RIMBP2: variants seen among roughly 807,000 people sequenced by gnomAD.
The protein encoded by RIMBP2 is RIMS-binding protein 2.
In RIMBP2, 48 loss-of-function variants were observed where a neutral mutation model predicts 118.6. That is an observed-to-expected ratio of 0.40 (90% confidence interval 0.32 to 0.51). The LOEUF is 0.51. Among genes scored for constraint, RIMBP2 ranks in the 20% least tolerant of loss-of-function variants. The pLI is 0.41. For synonymous variants in RIMBP2, 762 were observed against 742.9 expected (o/e 1.03, Z -0.42); for missense variants, 1,551 against 1,768.3 (o/e 0.88, Z 2.20).
intron 3 of RIMBP2, among the ~76,000 whole-genome samples, chr12:130,507,914 G>A (rs958660395): frequency 1.1e-4 from 16 of 152,018 alleles, no homozygotes; most frequent in African/African-American, 3.9e-4. Flanking sequence ...ACAACTTCTG[G>A]GGCACCAAAA....
At chr12:130,698,884 G>GA (rs1207104797) in intron 1 of RIMBP2, among the ~76,000 whole-genome samples, 3 of 151,928 alleles carry the variant, frequency 2.0e-5, no homozygotes, top group South Asian at 4.2e-4. Flanking sequence ...AAATTTACAA[G>GA]AAAAAAACAA....
intron 1 of RIMBP2, chr12:130,667,271 G>A (rs758281762): frequency 1.3e-5 from 2 of 152,086 alleles, no homozygotes; most frequent in Non-Finnish European, 2.9e-5. Flanking sequence ...GGAGAAGAGA[G>A]AGACAACATC....
Position 130,598,331 on chromosome 12 carries a change from A to G in RIMBP2, c.-217+29991T>C, listed in dbSNP as rs527270870. Reference sequence around the variant, plus strand: ...TAATGAATTGATCTACAGATTCAACATGACCCTGTCAAAATCCAATTATGC... The same window carrying G: ...TAATGAATTGATCTACAGATTCAACGTGACCCTGTCAAAATCCAATTATGC... On this transcript the variant is annotated intron_variant, in intron 2 of 22. Coordinates refer to ENST00000690449, the MANE Select transcript of RIMBP2 (RefSeq NM_001393629.1). Among the ~76,000 whole-genome samples, 27 of 152,104 alleles carry G rather than the reference A, an allele frequency of 1.8e-4. 1 individual carries two copies. The highest frequency in any genetic ancestry group is 3.8e-4 in the Non-Finnish European group (26 of 68,020).
intron 11 of RIMBP2, among the ~76,000 whole-genome samples, 188 bp downstream of exon 11, chr12:130,441,660 A>G (rs1476881552): frequency 1.3e-5 from 2 of 152,136 alleles, no homozygotes; most frequent in African/African-American, 2.4e-5. Context: ...GGTCCCTAAC[A>G]TGTTCCAAGG....
intron 1 of RIMBP2, among the ~76,000 whole-genome samples, chr12:130,661,712 A>G (rs1193024798): frequency 1.3e-5 from 2 of 152,208 alleles, no homozygotes; most frequent in African/African-American, 4.8e-5. Context: ...TCTCTGCTTA[A>G]GCACAGTTTG....
chr12:130,675,343 C>G (rs1347932377), intron 1 of RIMBP2, among the ~76,000 whole-genome samples: 1 of 152,230 alleles, frequency 6.6e-6, no homozygotes, highest in Non-Finnish European at 1.5e-5. Context: ...AGCAGGCCTC[C>G]CCACCCAGCA....
At chr12:130,513,643 A>AT (rs2138976493) in intron 3 of RIMBP2, among the ~76,000 whole-genome samples, 1 of 152,302 alleles carries the variant, frequency 6.6e-6, no homozygotes, top group South Asian at 2.1e-4. Context: ...TATGTCTTGG[A>AT]TCCCAGCTCA....
At chr12:130,676,169 C>CTTG (rs2064454175) in intron 1 of RIMBP2, among the ~76,000 whole-genome samples, 1 of 152,194 alleles carries the variant, frequency 6.6e-6, no homozygotes, top group Non-Finnish European at 1.5e-5. Flanking sequence ...ATCAGCCACC[C>CTTG]CGTTGATGGG....
At chr12:130,448,530 C>G (rs1346096202) in intron 9 of RIMBP2, among the ~76,000 whole-genome samples, 1 of 152,260 alleles carries the variant, frequency 6.6e-6, no homozygotes, top group African/African-American at 2.4e-5. Context: ...AGCGCTGCCC[C>G]TGTGCTGGCA....
In RIMBP2 at chr12:130,450,014, G is replaced by A. The variant is rs932602426; in HGVS notation, c.581+186C>T. On this transcript the variant is annotated intron_variant, in intron 9 of 22. Transcript: ENST00000690449. The surrounding 1 kb of genome is among the most constrained non-coding windows in gnomAD (Gnocchi z 4.8). ...GTGACCTCCTGTCATGGCAGCCCTG[G>A]GAGACTTGCGTGCCACCCAAACTCT... Among the ~76,000 whole-genome samples the A allele has an allele frequency of 3.3e-5, 5 of 152,000 alleles. No homozygotes were observed. Among genetic ancestry groups the A allele is most frequent in the African/African-American group, 1.2e-4 (5 of 41,388 alleles).
intron 1 of RIMBP2, among the ~76,000 whole-genome samples, chr12:130,644,961 C>T (rs1285434199): frequency 6.6e-6 from 1 of 152,216 alleles, no homozygotes; most frequent in Non-Finnish European, 1.5e-5. Context: ...GGTCCGGGAG[C>T]CAGCGCCTAG....
intron 1 of RIMBP2, among the ~76,000 whole-genome samples, chr12:130,654,405 T>A (rs1451475691): frequency 6.6e-6 from 1 of 152,224 alleles, no homozygotes; most frequent in Non-Finnish European, 1.5e-5. Context: ...ATAATATGGG[T>A]GATCTTTACT....
chr12:130,522,479 A>G (rs2052240301), intron 2 of RIMBP2, among the ~76,000 whole-genome samples: 1 of 152,150 alleles, frequency 6.6e-6, no homozygotes, highest in South Asian at 2.1e-4. Context: ...TGTCTTTAGG[A>G]GCTGGGACAC....
chr12:130,479,060 C>A, intron 4 of RIMBP2, 44 bp from the exon 5 acceptor site: 1 of 1,527,440 alleles, frequency 6.5e-7, no homozygotes, highest in Non-Finnish European at 9.0e-7. Flanking sequence ...GCAGCCTGTG[C>A]CCATGGGCGT....
At chr12:130,526,754 AATATT>A (rs1214707056) in intron 2 of RIMBP2, among the ~76,000 whole-genome samples, 4 of 152,216 alleles carry the variant, frequency 2.6e-5, no homozygotes, top group African/African-American at 7.2e-5. Context: ...CTGGTAGAAT[AATATT>A]ATATAAGAAT....
At chr12:130,551,417 G>A (rs939914293) in intron 2 of RIMBP2, among the ~76,000 whole-genome samples, 47 of 152,008 alleles carry the variant, frequency 3.1e-4, no homozygotes, top group African/African-American at 1.1e-3. Context: ...TGTGTTCATG[G>A]GTACACGGCC....
intron 2 of RIMBP2, among the ~76,000 whole-genome samples, chr12:130,586,091 T>C (rs1197677082): frequency 1.3e-5 from 2 of 152,222 alleles, no homozygotes; most frequent in Admixed American, 1.3e-4. Context: ...AACCAGGAAA[T>C]ATTCACTAAT....
At chr12:130,665,113 A>AG (rs1208706252) in intron 1 of RIMBP2, among the ~76,000 whole-genome samples, 4 of 151,662 alleles carry the variant, frequency 2.6e-5, no homozygotes, top group Non-Finnish European at 4.4e-5. Flanking sequence ...CTACGTGAAG[A>AG]GGGGGCCCTG....
rs150230969 is a variant in RIMBP2, at chr12:130,531,821, G to A, written c.-216-13904C>T. Among the ~76,000 whole-genome samples, 1,072 of 152,098 alleles carry A rather than the reference G, an allele frequency of 7.0e-3. 15 individuals are homozygous for A. Among genetic ancestry groups the A allele is most frequent in the African/African-American group, 0.023 (947 of 41,420 alleles). ...TCCCTTCCATGAGAGTCAAAACCCA[G>A]ATGCCTCTAGGAGTTACGTCTAATG... On this transcript the variant is annotated intron_variant, in intron 2 of 22. Transcript: ENST00000690449.
Sources: gnomAD v4.1 joint callset for allele counts (sites outside exome capture counted in the v4.1 genomes callset) on GRCh38, gnomAD v4.1.1 for gene constraint, Gnocchi (gnomAD v3.1) non-coding constraint, MANE v1.5 for transcripts, NCBI Gene and HGNC (gene_info 2026-07-23, HGNC 2026-07-21) for gene names.